CTNNA3: variants seen among roughly 807,000 people sequenced by gnomAD.
CTNNA3 encodes the protein catenin alpha-3.
A neutral mutation model predicts 95.7 loss-of-function variants in CTNNA3; 76 were observed. The observed-to-expected ratio is 0.79, with a 90% CI of 0.66 to 0.96. The LOEUF is 0.96. Among genes scored for constraint, CTNNA3 ranks in the 40% least tolerant of loss-of-function variants. The probability of loss-of-function intolerance (pLI) is 0.00; values close to 1 mark genes in which losing one functional copy is unlikely to be tolerated. For missense variants in CTNNA3, 1,191 were observed against 1,089.8 expected (o/e 1.09, Z -1.31); for synonymous variants, 431 against 374.4 (o/e 1.15, Z -1.74).
intron 4 of CTNNA3, among the ~76,000 whole-genome samples, chr10:67,532,013 G>A (rs1285521645): frequency 6.6e-6 from 1 of 151,958 alleles, no homozygotes; most frequent in Admixed American, 6.6e-5. Context: ...TGATTGTGAG[G>A]CCTCCCCTCA....
chr10:67,510,561 T>A (rs1191651919), intron 5 of CTNNA3, among the ~76,000 whole-genome samples: 2 of 152,138 alleles, frequency 1.3e-5, no homozygotes, highest in African/African-American at 4.8e-5. Flanking sequence ...ATATATCTGT[T>A]TTGGTACCAG....
intron 13 of CTNNA3, among the ~76,000 whole-genome samples, chr10:66,182,215 T>G (rs766161256): frequency 3.3e-5 from 5 of 152,138 alleles, no homozygotes; most frequent in Non-Finnish European, 5.9e-5. Flanking sequence ...GATCTCCAAT[T>G]TAAGGTAAGA....
chr10:67,702,825 A>C (rs1841051928), intron 1 of CTNNA3, among the ~76,000 whole-genome samples: 1 of 152,216 alleles, frequency 6.6e-6, no homozygotes, highest in South Asian at 2.1e-4. Flanking sequence ...CAGAAAATTA[A>C]TGAATCCAGG....
At chr10:65,977,011 G>T (rs12763423) in intron 16 of CTNNA3, among the ~76,000 whole-genome samples, 1 of 151,788 alleles carries the variant, frequency 6.6e-6, no homozygotes, top group African/African-American at 2.4e-5. Context: ...TAAAAACATC[G>T]AACAATGCTT....
At chr10:67,293,521 A>T (rs1283981148) in intron 5 of CTNNA3, among the ~76,000 whole-genome samples, 1 of 151,896 alleles carries the variant, frequency 6.6e-6, no homozygotes. Context: ...TACACATTTT[A>T]TTTTTTTTAT....
intron 11 of CTNNA3, among the ~76,000 whole-genome samples, chr10:66,456,173 T>C (rs1251454071): frequency 6.6e-6 from 1 of 152,152 alleles, no homozygotes; most frequent in African/African-American, 2.4e-5. Context: ...TTTATAGATA[T>C]AGATAAGCCA....
At chr10:65,967,573 C>T (rs1014024254) in intron 16 of CTNNA3, among the ~76,000 whole-genome samples, 2 of 152,176 alleles carry the variant, frequency 1.3e-5, no homozygotes, top group African/African-American at 4.8e-5. Flanking sequence ...GAAATTATTT[C>T]TACCTTAGAT....
chr10:67,742,616 A>T (rs1414771117), intron 1 of CTNNA3, among the ~76,000 whole-genome samples: 1 of 151,046 alleles, frequency 6.6e-6, no homozygotes, highest in Non-Finnish European at 1.5e-5. Context: ...GCAAACACAT[A>T]CAAAAGCTAG....
At chr10:67,277,865 C>A (rs1162276549) in intron 5 of CTNNA3, among the ~76,000 whole-genome samples, 1 of 152,174 alleles carries the variant, frequency 6.6e-6, no homozygotes, top group Non-Finnish European at 1.5e-5. Context: ...ACCCTCAGTT[C>A]TGGGAATTGC....
intron 13 of CTNNA3, among the ~76,000 whole-genome samples, chr10:66,192,739 C>T (rs2086748936): frequency 6.6e-6 from 1 of 152,100 alleles, no homozygotes; most frequent in African/African-American, 2.4e-5. Context: ...AATTTCTTTA[C>T]CCCTTTCCCA....
chr10:67,001,183 C>T (rs1851664040), intron 7 of CTNNA3, among the ~76,000 whole-genome samples: 1 of 151,078 alleles, frequency 6.6e-6, no homozygotes, highest in Non-Finnish European at 1.5e-5. Context: ...TGCCTGTAAT[C>T]CCAGCTACTC....
At chr10:67,514,472 A>C (rs1839744606) in intron 5 of CTNNA3, among the ~76,000 whole-genome samples, 1 of 152,152 alleles carries the variant, frequency 6.6e-6, no homozygotes, top group Admixed American at 6.5e-5. Flanking sequence ...GATCACTTTC[A>C]AAGTGCAAAA....
chr10:67,671,965 C>A (rs1840444235), intron 1 of CTNNA3, among the ~76,000 whole-genome samples: 1 of 152,026 alleles, frequency 6.6e-6, no homozygotes, highest in African/African-American at 2.4e-5. Flanking sequence ...AACTAGTTTA[C>A]AGTCCCACCA....
chr10:66,348,337 G>A (rs560046801), intron 12 of CTNNA3, among the ~76,000 whole-genome samples: 14 of 152,192 alleles, frequency 9.2e-5, no homozygotes, highest in Middle Eastern at 3.4e-3. Context: ...TTAATTAGCC[G>A]ATTATTAGCT....
In CTNNA3 at chr10:67,347,358, C is replaced by T. The variant is rs1842463609; in HGVS notation, c.580-127488G>A. On this transcript the variant is annotated intron_variant, in intron 5 of 17. Coordinates refer to ENST00000433211, the MANE Select transcript of CTNNA3 (RefSeq NM_013266.4). ...GGGATTACAGGCATGAGACACTGTACCCAGCCAGTAATCCCAGAATTTTTA... is the reference window on the plus strand; with the variant it reads ...GGGATTACAGGCATGAGACACTGTATCCAGCCAGTAATCCCAGAATTTTTA... Among the ~76,000 whole-genome samples, 4 of 152,242 alleles carry T rather than the reference C, an allele frequency of 2.6e-5. No individual in the cohort carries two copies. In the South Asian group the frequency reaches 8.3e-4, roughly 32 times the overall value.
At chr10:66,901,139 T>G (rs749175425) in intron 7 of CTNNA3, among the ~76,000 whole-genome samples, 1 of 152,170 alleles carries the variant, frequency 6.6e-6, no homozygotes, top group Admixed American at 6.5e-5. Context: ...AAAGGTCGGG[T>G]TACCCACAAA....
chr10:66,743,974 C>CAAAAAA (rs536825430), intron 9 of CTNNA3, among the ~76,000 whole-genome samples: 25 of 44,924 alleles, frequency 5.6e-4, no homozygotes, highest in African/African-American at 9.3e-4. Flanking sequence ...GATTCCATCT[C>CAAAAAA]AAAAAAAAAA....
intron 11 of CTNNA3, among the ~76,000 whole-genome samples, chr10:66,494,122 G>A (rs1398989736): frequency 6.7e-6 from 1 of 149,544 alleles, no homozygotes; most frequent in Non-Finnish European, 1.5e-5. Flanking sequence ...TGGCCAGGCT[G>A]GTCTCGAACT....
intron 5 of CTNNA3, among the ~76,000 whole-genome samples, chr10:67,416,475 G>A (rs1845544533): frequency 6.6e-6 from 1 of 151,794 alleles, no homozygotes; most frequent in Non-Finnish European, 1.5e-5. Flanking sequence ...GGGCGTGGTG[G>A]CGGGCGCCTG....
Sources: allele counts gnomAD v4.1 joint callset (sites outside exome capture counted in the v4.1 genomes callset), GRCh38; gene constraint gnomAD v4.1.1; transcripts MANE v1.5; gene names NCBI Gene and HGNC (gene_info 2026-07-23, HGNC 2026-07-21).